JAKMIP1: variants seen among roughly 807,000 people sequenced by gnomAD.
JAKMIP1 encodes janus kinase and microtubule-interacting protein 1.
In JAKMIP1, 33 loss-of-function variants were observed where a neutral mutation model predicts 113.0. The observed-to-expected ratio is 0.29, with a 90% CI of 0.22 to 0.39. JAKMIP1 has a LOEUF of 0.39. Among genes scored for constraint, JAKMIP1 ranks in the 10% least tolerant of loss-of-function variants. The pLI, the probability that JAKMIP1 is intolerant of heterozygous loss-of-function variation, is 1.00. For missense variants in JAKMIP1, 813 were observed against 1,080.5 expected, an observed-to-expected ratio of 0.75 and a Z score of 3.47; for synonymous variants, 480 against 459.9, an observed-to-expected ratio of 1.04 and a Z score of -0.56.
intron 5 of JAKMIP1, among the ~76,000 whole-genome samples, chr4:6,082,215 T>C (rs6832798): frequency 0.94 from 142,351 of 151,886 alleles, 67,280 homozygotes; most frequent in East Asian, 1. Flanking sequence ...CAAAGATTGG[T>C]GGTTTGAGTT....
chr4:6,050,893 C>T lies in JAKMIP1; in HGVS notation c.1807-214G>A, dbSNP rs544085735. Among the ~76,000 whole-genome samples, 71 of 152,310 alleles carry T rather than the reference C, an allele frequency of 4.7e-4. No homozygotes were observed. The highest frequency in any genetic ancestry group is 7.8e-4 in the Non-Finnish European group (53 of 68,032). ...TCCATGGAAATGTGTTTACTTCTTC[C>T]CTATTCATCTAGGGAGAAATGGTTA... On this transcript the variant is annotated intron_variant, in intron 13 of 20. Coordinates refer to ENST00000409021, the MANE Select transcript of JAKMIP1 (RefSeq NM_001099433.2). The surrounding 1 kb of genome is among the most constrained non-coding windows in gnomAD (Gnocchi z 7.4).
At chr4:6,125,518 G>C (rs1717298981) in intron 1 of JAKMIP1, among the ~76,000 whole-genome samples, 1 of 151,614 alleles carries the variant, frequency 6.6e-6, no homozygotes, top group African/African-American at 2.4e-5. Context: ...TCCAGGAGAG[G>C]GTGATTCTGT....
At chr4:6,151,994 A>G (rs1721622826) in intron 1 of JAKMIP1, among the ~76,000 whole-genome samples, 1 of 152,096 alleles carries the variant, frequency 6.6e-6, no homozygotes, top group South Asian at 2.1e-4. Context: ...GCTCGCCACT[A>G]TGCCTGATAC....
At chr4:6,070,667 G>T (rs1003532166) in intron 8 of JAKMIP1, among the ~76,000 whole-genome samples, 15 of 152,234 alleles carry the variant, frequency 9.9e-5, no homozygotes, top group Non-Finnish European at 2.2e-4. Flanking sequence ...TCTCCCTCAG[G>T]ACCCAAACCG....
At chr4:6,189,307 A>G (rs1358103378) in intron 1 of JAKMIP1, among the ~76,000 whole-genome samples, 5 of 152,262 alleles carry the variant, frequency 3.3e-5, no homozygotes, top group African/African-American at 1.2e-4. Context: ...TTTGAGTTTT[A>G]CAGAACCTTC....
rs146714663 is a variant in JAKMIP1, at chr4:6,145,959, T to G, written c.-147-32962A>C. The stretch of plus-strand genomic sequence containing the variant: ...CAAATACTGTCACATTCTGAGGTAC[T>G]GAGGATGAAGGCTTCGACATAGGAA... On this transcript the variant is annotated intron_variant, in intron 1 of 20. Transcript: ENST00000409021. Among the ~76,000 whole-genome samples the G allele has an allele frequency of 7.7e-3, 1,176 of 152,292 alleles. 7 individuals are homozygous for G. Among genetic ancestry groups the G allele is most frequent in the Non-Finnish European group, 0.012 (799 of 68,026 alleles).
chr4:6,035,774 G>A (rs1713339473), intron 19 of JAKMIP1, 130 bp downstream of exon 19: 4 of 783,168 alleles, frequency 5.1e-6, no homozygotes, highest in Non-Finnish European at 7.9e-6. Context: ...TTGCTTCTTG[G>A]AAACTTGCTT....
intron 1 of JAKMIP1, among the ~76,000 whole-genome samples, chr4:6,125,793 C>A (rs1169853394): frequency 7.5e-6 from 1 of 133,518 alleles, no homozygotes; most frequent in African/African-American, 3.2e-5. Context: ...AACACACACA[C>A]ACCATACAGA....
intron 1 of JAKMIP1, among the ~76,000 whole-genome samples, chr4:6,130,483 G>C (rs1718345702): frequency 2.0e-5 from 3 of 152,150 alleles, no homozygotes; most frequent in Admixed American, 2.0e-4. Context: ...AATGCATCAT[G>C]TCTGGCTCTC....
rs1181294364 is a variant in JAKMIP1, at chr4:6,029,716, C to A, written c.2445G>T (p.Lys815Asn). The change falls in exon 20 of 21, where the codon AAG (lysine) becomes AAT (asparagine). Residue 815 changes from lysine to asparagine, a missense_variant and splice_region_variant. This residue lies in a region of JAKMIP1 where 273 missense variants were observed against 426.6 expected (regional missense o/e 0.64). Transcript: ENST00000409021. ...QKRHLKELEEKFLFLFLFFSL... is the reference protein window; with the variant it reads ...QKRHLKELEENFLFLFLFFSL... The stretch of plus-strand genomic sequence containing the variant: ...GACAGTCTGAGCTGCAGTCACCTAC[C>A]TTTTCCTCCAGTTCTTTCAGGTGCC... 3.1e-6 allele frequency: 5 copies of A among 1,596,758 alleles called. No homozygotes were observed. Among genetic ancestry groups the A allele is most frequent in the Non-Finnish European group, 4.3e-6 (5 of 1,169,988 alleles).
At chr4:6,085,354 C>T in intron 4 of JAKMIP1, 66 bp downstream of exon 4, 1 of 1,452,560 alleles carries the variant, frequency 6.9e-7, no homozygotes, top group Non-Finnish European at 9.4e-7. Context: ...CTGTGGCTGA[C>T]CAGAAAAATG....
rs1452796559 is a variant in JAKMIP1 at position 6,059,804 on chromosome 4, A to G, written c.1644+620T>C. 1.3e-5 allele frequency among the ~76,000 whole-genome samples: 2 copies of G among 152,076 alleles called. No homozygotes were observed. The highest frequency in any genetic ancestry group is 4.8e-5 in the African/African-American group (2 of 41,396). On this transcript the variant is annotated intron_variant, in intron 11 of 20. Coordinates refer to ENST00000409021, the MANE Select transcript of JAKMIP1 (RefSeq NM_001099433.2). This position sits in a 1 kb window ranked among gnomAD's most constrained non-coding sequence, Gnocchi z 4.8. Reference sequence around the variant, plus strand: ...CTTCTGACACAGAGGAGGCCGACCCATACGAACCTTCGCATGCCACCCCGA... The same window carrying G: ...CTTCTGACACAGAGGAGGCCGACCCGTACGAACCTTCGCATGCCACCCCGA...
In JAKMIP1 at chr4:6,162,702, C is replaced by T. The variant is rs190723683; in HGVS notation, c.-148+37551G>A. ...GGCACAGCATTACCATCATTATCAT[C>T]GTTCCCACTTTACAGGTAATAAAAC... On this transcript the variant is annotated intron_variant, in intron 1 of 20. Transcript: ENST00000409021. This position sits in a 1 kb window ranked among gnomAD's most constrained non-coding sequence, Gnocchi z 5.6. Among the ~76,000 whole-genome samples the T allele has an allele frequency of 3.3e-5, 5 of 152,284 alleles. No homozygotes were observed. The highest frequency in any genetic ancestry group is 7.2e-5 in the African/African-American group (3 of 41,562).
Position 6,138,901 on chromosome 4 carries a change from C to T in JAKMIP1, c.-147-25904G>A, listed in dbSNP as rs75399085. Among the ~76,000 whole-genome samples, 6,251 of 152,212 alleles carry T rather than the reference C, an allele frequency of 0.041. 154 individuals carry two copies. The highest frequency in any genetic ancestry group is 0.05 in the Non-Finnish European group (3,424 of 68,028). On this transcript the variant is annotated intron_variant, in intron 1 of 20. Coordinates refer to ENST00000409021, the MANE Select transcript of JAKMIP1 (RefSeq NM_001099433.2). The surrounding 1 kb of genome is among the most constrained non-coding windows in gnomAD (Gnocchi z 6.0). Reference sequence around the variant, plus strand: ...TTTCAACAGAGCAAGGCCAGTTGGGCGCTAAGCAACTACTGCTTACTGCCT... The same window carrying T: ...TTTCAACAGAGCAAGGCCAGTTGGGTGCTAAGCAACTACTGCTTACTGCCT...
Position 6,199,860 on chromosome 4 carries a change from G to A in JAKMIP1, c.-148+393C>T, listed in dbSNP as rs942821333. Among the ~76,000 whole-genome samples, 4 of 151,624 alleles carry A rather than the reference G, an allele frequency of 2.6e-5. No homozygotes were observed. Among genetic ancestry groups the A allele is most frequent in the Non-Finnish European group, 5.9e-5 (4 of 67,778 alleles). ...CCACACCCCCCGCGCCACTCCGGCA[G>A]GCACCGGGTGGGTCCCCCTCCCGCT... On this transcript the variant is annotated intron_variant, in intron 1 of 20. Coordinates refer to ENST00000409021, the MANE Select transcript of JAKMIP1 (RefSeq NM_001099433.2). This position sits in a 1 kb window ranked among gnomAD's most constrained non-coding sequence, Gnocchi z 5.6.
At position 6,167,345 on chromosome 4, in the gene JAKMIP1, C is replaced by A. The variant is rs1723764548; in HGVS notation, c.-148+32908G>T. On this transcript the variant is annotated intron_variant, in intron 1 of 20. Transcript: ENST00000409021. This position sits in a 1 kb window ranked among gnomAD's most constrained non-coding sequence, Gnocchi z 5.3. ...ACAGTGGCCCTTGTCTCCCTCCAGC[C>A]TCCTCTGCTCTGGCCTGGACCACTC... is the stretch of plus-strand genomic sequence containing the variant. 6.6e-6 allele frequency among the ~76,000 whole-genome samples: 1 copy of A among 151,832 alleles called. No homozygotes were observed. The highest frequency in any genetic ancestry group is 6.6e-5 in the Admixed American group (1 of 15,250).
rs71984154 is a variant in JAKMIP1, at chr4:6,139,055, AACAC to A, written c.-147-26062_-147-26059del. ...ATTGTTTGCATGTGACATCATTAGA[AACAC>A]ACACACACACACACACACACACACA... On this transcript the variant is annotated intron_variant, in intron 1 of 20. Coordinates refer to ENST00000409021, the MANE Select transcript of JAKMIP1 (RefSeq NM_001099433.2). The surrounding 1 kb of genome is among the most constrained non-coding windows in gnomAD (Gnocchi z 5.2). 0.027 allele frequency among the ~76,000 whole-genome samples: 2,786 copies of A among 103,412 alleles called. 60 individuals carry two copies. The highest frequency in any genetic ancestry group is 0.056 in the African/African-American group (1,937 of 34,542). The allele number at this position is 103,412 out of a possible 152,430, so 67.8% of individuals were successfully genotyped here.
intron 1 of JAKMIP1, among the ~76,000 whole-genome samples, chr4:6,114,264 G>A (rs1209852307): frequency 6.6e-6 from 1 of 152,208 alleles, no homozygotes; most frequent in Non-Finnish European, 1.5e-5. Flanking sequence ...CAGGACAGAA[G>A]GAGAGAAAGC....
rs58425504 is a variant in JAKMIP1 at position 6,051,223 on chromosome 4, CTT to C, written c.1807-546_1807-545del. Among the ~76,000 whole-genome samples, 173 of 138,972 alleles carry C rather than the reference CTT, an allele frequency of 1.2e-3. No homozygotes were observed. The highest frequency in any genetic ancestry group is 3.8e-3 in the Middle Eastern group (1 of 262). The allele number at this position is 138,972 out of a possible 152,430, so 91.2% of individuals were successfully genotyped here. On this transcript the variant is annotated intron_variant, in intron 13 of 20. Transcript: ENST00000409021. The surrounding 1 kb of genome is among the most constrained non-coding windows in gnomAD (Gnocchi z 5.0). ...GGCTGACTTTCTTTCTTTTTCTTTCCTTTTTTTTTTTTTTTTGAGAGGGTGTT... is the reference window on the plus strand; with the variant it reads ...GGCTGACTTTCTTTCTTTTTCTTTCCTTTTTTTTTTTTTTGAGAGGGTGTT...
Sources: gnomAD v4.1 joint callset for allele counts (sites outside exome capture counted in the v4.1 genomes callset) on GRCh38, gnomAD v4.1.1 for gene constraint, gnomAD v4.1.1 regional missense constraint, Gnocchi (gnomAD v3.1) non-coding constraint, MANE v1.5 for transcripts, NCBI Gene and HGNC (gene_info 2026-07-23, HGNC 2026-07-21) for gene names.